The following UNC13C variants were observed in gnomAD, a reference collection of about 807,000 sequenced individuals.
UNC13C encodes protein unc-13 homolog C.
In UNC13C, 174 loss-of-function variants were observed where a neutral mutation model predicts 245.4. The observed-to-expected ratio is 0.71, with a 90% CI of 0.63 to 0.80. The LOEUF is 0.80. Among genes scored for constraint, UNC13C ranks in the 30% least tolerant of loss-of-function variants. UNC13C has a pLI of 0.00. For missense variants in UNC13C, 2,829 were observed against 2,602.9 expected, an observed-to-expected ratio of 1.09 and a Z score of -1.89; for synonymous variants, 992 against 895.1, an observed-to-expected ratio of 1.11 and a Z score of -1.93.
chr15:54,105,382 G>A (rs28718069), intron 2 of UNC13C, among the ~76,000 whole-genome samples: 1,982 of 152,236 alleles, frequency 0.013, 43 homozygotes, highest in African/African-American at 0.045. Flanking sequence ...GCATCTCAAT[G>A]TGGAGCCTGT....
intron 2 of UNC13C, among the ~76,000 whole-genome samples, chr15:54,120,741 A>G (rs2030609508): frequency 6.6e-6 from 1 of 152,070 alleles, no homozygotes; most frequent in South Asian, 2.1e-4. Context: ...CAAAATACCA[A>G]CATTAATAGG....
chr15:54,235,164 A>G (rs1053312904), intron 5 of UNC13C, 56 bp downstream of exon 5: 2 of 1,471,452 alleles, frequency 1.4e-6, no homozygotes, highest in Non-Finnish European at 1.9e-6. Flanking sequence ...TTTCCTTACT[A>G]AAATGTAATG....
intron 2 of UNC13C, among the ~76,000 whole-genome samples, chr15:54,055,300 C>T (rs1897460485): frequency 6.6e-6 from 1 of 152,158 alleles, no homozygotes; most frequent in South Asian, 2.1e-4. Flanking sequence ...CTTGCCAACT[C>T]AATTATCATA....
At chr15:54,379,761 A>T (rs182736114) in intron 17 of UNC13C, among the ~76,000 whole-genome samples, 1 of 152,160 alleles carries the variant, frequency 6.6e-6, no homozygotes, top group Non-Finnish European at 1.5e-5. Flanking sequence ...ATTGGCCCCA[A>T]TTCCATTCCA....
intron 32 of UNC13C, 74 bp downstream of exon 32, chr15:54,624,028 G>A (rs867404531): frequency 1.2e-4 from 188 of 1,568,780 alleles, no homozygotes; most frequent in Admixed American, 4.9e-4. Flanking sequence ...GAGGGATTTG[G>A]AGTGTGAAGG....
intron 19 of UNC13C, among the ~76,000 whole-genome samples, chr15:54,430,007 T>G (rs2040840423): frequency 6.6e-6 from 1 of 151,592 alleles, no homozygotes; most frequent in Non-Finnish European, 1.5e-5. Flanking sequence ...ATATGCCAAT[T>G]TGAGGGTGGG....
At chr15:53,908,377 T>G in the UNC13C span, among the ~76,000 whole-genome samples, 18 of 146,482 alleles carry the variant, frequency 1.2e-4, 2 homozygotes, top group Non-Finnish European at 2.3e-4. Flanking sequence ...TAATAGTAGT[T>G]ACATTATTCC....
chr15:53,853,679 T>C, the UNC13C span, among the ~76,000 whole-genome samples: 2 of 152,262 alleles, frequency 1.3e-5, no homozygotes, highest in Non-Finnish European at 2.9e-5. Context: ...TTTTTAATAA[T>C]AGCCATTCTG....
At chr15:54,144,898 C>G (rs11632968) in intron 4 of UNC13C, among the ~76,000 whole-genome samples, 48,351 of 151,466 alleles carry the variant, frequency 0.32, 7,846 homozygotes, top group Admixed American at 0.37. Flanking sequence ...TTCATATATA[C>G]CTCTTTATAT....
intron 22 of UNC13C, 131 bp downstream of exon 22, chr15:54,501,109 G>T: frequency 1.2e-6 from 1 of 860,412 alleles, no homozygotes; most frequent in Non-Finnish European, 1.7e-6. Flanking sequence ...AGTAAATTCA[G>T]TTGTTTCCAG....
chr15:54,264,195 G>A lies in UNC13C; in HGVS notation c.3476G>A (p.Gly1159Asp). Reference protein sequence around the residue: ...QRAAEKSSKHGAEDKTQTIIT... With the variant: ...QRAAEKSSKHDAEDKTQTIIT... ...GCAGCAGAAAAGAGTTCTAAACATG[G>A]TGCCGAAGACAAGACTCAGACCATT... Residue 1159 changes from glycine (G) to aspartate (D), a missense_variant, in exon 9 of 33, where the codon GGT (glycine) becomes GAT (aspartate). Coordinates refer to ENST00000260323, the MANE Select transcript of UNC13C (RefSeq NM_001080534.3). The A allele has an allele frequency of 6.3e-7, 1 of 1,585,138 alleles. No individual in the cohort carries two copies. The highest frequency in any genetic ancestry group is 8.6e-7 in the Non-Finnish European group (1 of 1,164,882).
At chr15:54,419,894 A>C (rs1044840995) in intron 19 of UNC13C, among the ~76,000 whole-genome samples, 2 of 152,140 alleles carry the variant, frequency 1.3e-5, no homozygotes, top group African/African-American at 4.8e-5. Flanking sequence ...TACTCACTCA[A>C]GTATGACAAC....
intron 13 of UNC13C, 65 bp from the exon 14 acceptor site, chr15:54,321,874 G>A (rs928802917): frequency 1.3e-5 from 19 of 1,429,106 alleles, no homozygotes; most frequent in Non-Finnish European, 1.7e-5. Flanking sequence ...GATGTTAGAA[G>A]CTCTGTTGTT....
rs377758144 is a variant in UNC13C, at chr15:54,493,263, A to G, written c.4934-1345A>G. Among the ~76,000 whole-genome samples, 8 of 152,296 alleles carry G rather than the reference A, an allele frequency of 5.3e-5. No homozygotes were observed. In the East Asian group the frequency reaches 5.8e-4, roughly 11 times the overall value. On this transcript the variant is annotated intron_variant, in intron 19 of 32. Transcript: ENST00000260323. The stretch of plus-strand genomic sequence containing the variant: ...CAGTGAAATGAATTTGGAGGAACCT[A>G]AAGCAAAATATCATCTTGACTAAAA...
chr15:54,000,265 A>G (rs192179378), intron 1 of UNC13C, among the ~76,000 whole-genome samples: 2 of 152,224 alleles, frequency 1.3e-5, no homozygotes, highest in Admixed American at 1.3e-4. Flanking sequence ...CACAAGCCAA[A>G]CTAAAACTAC....
chr15:54,185,877 C>T lies in UNC13C; in HGVS notation c.3071+42193C>T, dbSNP rs571139271. Among the ~76,000 whole-genome samples the T allele has an allele frequency of 8.3e-3, 1,250 of 150,806 alleles. 19 individuals carry two copies. The highest frequency in any genetic ancestry group is 0.03 in the African/African-American group (1,204 of 40,570). ...ACCTTGGGCAGTATGGCCATTTTCA[C>T]GATATTGATTCTTCCTACCCATGAG... On this transcript the variant is annotated intron_variant, in intron 4 of 32. Transcript: ENST00000260323.
At chr15:54,022,146 G>T (rs186319788) in intron 2 of UNC13C, among the ~76,000 whole-genome samples, 5 of 152,262 alleles carry the variant, frequency 3.3e-5, no homozygotes, top group African/African-American at 1.2e-4. Context: ...TTTTAGTTTT[G>T]AAGGAACCTC....
At chr15:54,591,564 G>T (rs886803554) in intron 30 of UNC13C, among the ~76,000 whole-genome samples, 1 of 152,050 alleles carries the variant, frequency 6.6e-6, no homozygotes, top group East Asian at 1.9e-4. Context: ...AGATTTTCTA[G>T]TTTATGTACA....
intron 17 of UNC13C, among the ~76,000 whole-genome samples, chr15:54,356,037 G>T (rs1032169592): frequency 1.3e-5 from 2 of 152,094 alleles, no homozygotes; most frequent in African/African-American, 2.4e-5. Context: ...TCTTTGAAAT[G>T]GTTTCATCTC....
Sources: allele counts gnomAD v4.1 joint callset (sites outside exome capture counted in the v4.1 genomes callset), GRCh38; gene constraint gnomAD v4.1.1; transcripts MANE v1.5; gene names NCBI Gene and HGNC (gene_info 2026-07-23, HGNC 2026-07-21).